The following CNTLN variants were observed in gnomAD, a reference collection of about 807,000 sequenced individuals.
The protein encoded by CNTLN is centlein, centrosomal protein.
A neutral mutation model predicts 180.0 loss-of-function variants in CNTLN; 212 were observed. The ratio of observed to expected loss-of-function variants is 1.18; its 90% CI spans 1.05 to 1.32. The LOEUF is 1.32. Ranked by LOEUF, CNTLN falls within the 40% of genes most tolerant of loss-of-function variation. CNTLN has a pLI of 0.00. For missense variants in CNTLN, 2,095 were observed against 1,610.9 expected (o/e 1.30, Z -5.14); for synonymous variants, 722 against 563.1 (o/e 1.28, Z -3.99).
At chr9:17,268,770 A>T (rs891738926) in intron 5 of CNTLN, among the ~76,000 whole-genome samples, 1 of 151,498 alleles carries the variant, frequency 6.6e-6, no homozygotes, top group African/African-American at 2.4e-5. Flanking sequence ...CCTCGCTGCC[A>T]CCTTGCAGTT....
In CNTLN at chr9:17,484,276, T is replaced by G; in HGVS notation, c.3856-19T>G. 2 of 1,562,652 alleles carry G rather than the reference T, an allele frequency of 1.3e-6. No individual in the cohort carries two copies. The highest frequency in any genetic ancestry group is 1.7e-6 in the Non-Finnish European group (2 of 1,160,522). On this transcript the variant is annotated intron_variant, in intron 23 of 25. Coordinates refer to ENST00000380647, the MANE Select transcript of CNTLN (RefSeq NM_017738.4). ...TTATGACTTTAATATAAGCTCAATT[T>G]CTTTCCAATATGTTACAGGCTTTGG...
At chr9:17,497,667 T>C (rs368996044) in intron 25 of CNTLN, among the ~76,000 whole-genome samples, 3 of 152,222 alleles carry the variant, frequency 2.0e-5, no homozygotes, top group African/African-American at 7.2e-5. Context: ...TCTCTGTCCA[T>C]TTTTAGCAGA....
chr9:17,465,130 T>C lies in CNTLN; in HGVS notation c.3531+507T>C, dbSNP rs1041416020. On this transcript the variant is annotated intron_variant, in intron 21 of 25. Coordinates refer to ENST00000380647, the MANE Select transcript of CNTLN (RefSeq NM_017738.4). ...AAGTAGAAGGGTTTTTTTTGTTTTT[T>C]TTTTTTTGAAGGTGCTTTTTTCACA... is the stretch of plus-strand genomic sequence containing the variant. Among the ~76,000 whole-genome samples the C allele has an allele frequency of 2.6e-3, 385 of 150,678 alleles. 3 individuals are homozygous for C. The highest frequency in any genetic ancestry group is 3.9e-3 in the Non-Finnish European group (259 of 67,138).
intron 3 of CNTLN, among the ~76,000 whole-genome samples, chr9:17,230,503 GT>G (rs1481519113): frequency 3.3e-5 from 5 of 151,816 alleles, no homozygotes; most frequent in Non-Finnish European, 7.4e-5. Flanking sequence ...TTGTTTGTTT[GT>G]TTCCCCCCTC....
intron 12 of CNTLN, among the ~76,000 whole-genome samples, chr9:17,356,994 A>G (rs1359060366): frequency 2.0e-5 from 3 of 152,010 alleles, no homozygotes; most frequent in Non-Finnish European, 4.4e-5. Flanking sequence ...GTGTGTGTGT[A>G]TATATACATA....
Position 17,203,649 on chromosome 9 carries a change from C to T in CNTLN, c.450-22554C>T, listed in dbSNP as rs7023339. Among the ~76,000 whole-genome samples, 413 of 152,224 alleles carry T rather than the reference C, an allele frequency of 2.7e-3. 1 individual carries two copies. Among genetic ancestry groups the T allele is most frequent in the African/African-American group, 9.0e-3 (372 of 41,540 alleles). On this transcript the variant is annotated intron_variant, in intron 2 of 25. Transcript: ENST00000380647. ...TCGGCTCACTGCAAGCTCCACCTCCCGTGTTCACGCCATTCTCCTGCCTCA... is the reference window on the plus strand; with the variant it reads ...TCGGCTCACTGCAAGCTCCACCTCCTGTGTTCACGCCATTCTCCTGCCTCA...
At chr9:17,287,402 G>T (rs1347453295) in intron 6 of CNTLN, among the ~76,000 whole-genome samples, 1 of 150,432 alleles carries the variant, frequency 6.6e-6, no homozygotes, top group Non-Finnish European at 1.5e-5. Context: ...TGCTGGATTC[G>T]TTTTGCCAGT....
chr9:17,526,855 T>A, the CNTLN span, among the ~76,000 whole-genome samples: 10 of 152,150 alleles, frequency 6.6e-5, no homozygotes, highest in African/African-American at 2.4e-4. Flanking sequence ...TCTCTCTTTT[T>A]TTTTTGAGGC....
At chr9:17,396,211 C>T (rs1225384956) in intron 15 of CNTLN, among the ~76,000 whole-genome samples, 1 of 152,218 alleles carries the variant, frequency 6.6e-6, no homozygotes, top group Non-Finnish European at 1.5e-5. Context: ...CCCCTCAGGG[C>T]TACTCTGTCT....
intron 18 of CNTLN, among the ~76,000 whole-genome samples, chr9:17,449,581 C>A (rs1005098875): frequency 1.1e-4 from 16 of 151,896 alleles, no homozygotes; most frequent in African/African-American, 3.6e-4. Flanking sequence ...CAGTCAAACT[C>A]TTTTTTCTGT....
chr9:17,145,758 TAC>T (rs1434910113), intron 2 of CNTLN, among the ~76,000 whole-genome samples: 2 of 152,238 alleles, frequency 1.3e-5, no homozygotes, highest in African/African-American at 2.4e-5. Context: ...CTGAACTTAT[TAC>T]ACAGTTTCTA....
intron 6 of CNTLN, among the ~76,000 whole-genome samples, chr9:17,288,896 G>A (rs1467033600): frequency 1.7e-5 from 2 of 116,134 alleles, no homozygotes; most frequent in Admixed American, 1.7e-4. Flanking sequence ...TTGAGCCTAT[G>A]TGTGTCTCTG....
At chr9:17,468,825 G>A (rs910510117) in intron 23 of CNTLN, among the ~76,000 whole-genome samples, 2 of 151,578 alleles carry the variant, frequency 1.3e-5, no homozygotes, top group African/African-American at 2.4e-5. Context: ...GATGAAGTGG[G>A]TATCTAAACT....
At chr9:17,433,911 T>G (rs1180185311) in intron 18 of CNTLN, among the ~76,000 whole-genome samples, 1 of 152,210 alleles carries the variant, frequency 6.6e-6, no homozygotes, top group African/African-American at 2.4e-5. Context: ...AAAAATTGTT[T>G]AGTTAAATAA....
At position 17,203,901 on chromosome 9, in the gene CNTLN, C is replaced by T. The variant is rs139559549; in HGVS notation, c.450-22302C>T. On this transcript the variant is annotated intron_variant, in intron 2 of 25. Coordinates refer to ENST00000380647, the MANE Select transcript of CNTLN (RefSeq NM_017738.4). Reference sequence around the variant, plus strand: ...CTAATCTTGTCTTCACACTTTCTTTCGGTAAGGTGATCTTCAATCTCTGAT... The same window carrying T: ...CTAATCTTGTCTTCACACTTTCTTTTGGTAAGGTGATCTTCAATCTCTGAT... Among the ~76,000 whole-genome samples, 1,095 of 152,272 alleles carry T rather than the reference C, an allele frequency of 7.2e-3. 8 individuals are homozygous for T. The highest frequency in any genetic ancestry group is 8.6e-3 in the Admixed American group (132 of 15,296).
chr9:17,342,807 T>C (rs1469914756), intron 12 of CNTLN, among the ~76,000 whole-genome samples: 3 of 152,224 alleles, frequency 2.0e-5, no homozygotes, highest in Admixed American at 6.5e-5. Flanking sequence ...TTTGATCTCC[T>C]AGATACATAC....
At chr9:17,395,591 C>T (rs1564067823) in intron 15 of CNTLN, among the ~76,000 whole-genome samples, 1 of 152,148 alleles carries the variant, frequency 6.6e-6, no homozygotes, top group African/African-American at 2.4e-5. Context: ...ACCATCTTCA[C>T]TAATTATTTT....
At chr9:17,507,301 C>T (rs1833949778), downstream of CNTLN, among the ~76,000 whole-genome samples, 1 of 152,126 alleles carries the variant, frequency 6.6e-6, no homozygotes, top group African/African-American at 2.4e-5. Flanking sequence ...TCCATTTCCA[C>T]TGTTGCACAG....
At chr9:17,224,984 C>T (rs1824373862) in intron 2 of CNTLN, among the ~76,000 whole-genome samples, 1 of 151,294 alleles carries the variant, frequency 6.6e-6, no homozygotes, top group Non-Finnish European at 1.5e-5. Flanking sequence ...ACGTCCTTAA[C>T]TAATGCCTAT....
Sources: allele counts gnomAD v4.1 joint callset (sites outside exome capture counted in the v4.1 genomes callset), GRCh38; gene constraint gnomAD v4.1.1; transcripts MANE v1.5; gene names NCBI Gene and HGNC (gene_info 2026-07-23, HGNC 2026-07-21).